The following PRKD1 variants were observed in gnomAD, a reference collection of about 807,000 sequenced individuals.
PRKD1 encodes the protein protein kinase D1.
In PRKD1, 63 loss-of-function variants were observed where a neutral mutation model predicts 95.9. The ratio of observed to expected loss-of-function variants is 0.66; its 90% CI spans 0.54 to 0.81. PRKD1 has a LOEUF of 0.81. Among genes scored for constraint, PRKD1 ranks in the 30% least tolerant of loss-of-function variants. The probability of loss-of-function intolerance (pLI) is 0.00; values close to 1 mark genes in which losing one functional copy is unlikely to be tolerated. For missense variants in PRKD1, 1,048 were observed against 1,165.3 expected (o/e 0.90, Z 1.47); for synonymous variants, 425 against 423.1 (o/e 1.00, Z -0.05).
At chr14:29,871,930 G>C (rs1014642954) in intron 1 of PRKD1, among the ~76,000 whole-genome samples, 1 of 152,196 alleles carries the variant, frequency 6.6e-6, no homozygotes, top group Non-Finnish European at 1.5e-5. Context: ...GTGATGAAAG[G>C]GGTGTGTGAA....
chr14:29,639,538 G>C (rs1880618689), intron 4 of PRKD1, among the ~76,000 whole-genome samples: 1 of 152,042 alleles, frequency 6.6e-6, no homozygotes, highest in Non-Finnish European at 1.5e-5. Context: ...AGAATTGCTT[G>C]AACCTGGGAG....
At chr14:29,854,764 G>A (rs1488900483) in intron 1 of PRKD1, among the ~76,000 whole-genome samples, 2 of 152,190 alleles carry the variant, frequency 1.3e-5, no homozygotes, top group Non-Finnish European at 2.9e-5. Flanking sequence ...GAAAAAAAGT[G>A]GTTTCGTGGG....
Position 29,577,231 on chromosome 14 carries a change from A to T in PRKD1, c.*7T>A, listed in dbSNP as rs1892584639. 6.2e-7 allele frequency: 1 copy of T among 1,606,174 alleles called. No homozygotes were observed. Among genetic ancestry groups the T allele is most frequent in the Non-Finnish European group, 8.5e-7 (1 of 1,173,600 alleles). On this transcript the variant is annotated 3_prime_UTR_variant, in exon 18 of 18. Coordinates refer to ENST00000331968, the MANE Select transcript of PRKD1 (RefSeq NM_002742.3). ...ACAGTGTTTTGACAGATTATAGGAGATGGAACTCAGAGGATGCTGACACGC... is the reference window on the plus strand; with the variant it reads ...ACAGTGTTTTGACAGATTATAGGAGTTGGAACTCAGAGGATGCTGACACGC...
At chr14:29,869,341 G>A (rs866636677) in intron 1 of PRKD1, among the ~76,000 whole-genome samples, 1 of 151,844 alleles carries the variant, frequency 6.6e-6, no homozygotes, top group Non-Finnish European at 1.5e-5. Context: ...TACTCAAGAG[G>A]AGGCAGGAGA....
intron 1 of PRKD1, among the ~76,000 whole-genome samples, chr14:29,822,080 C>T (rs1291918193): frequency 1.3e-5 from 2 of 152,066 alleles, no homozygotes; most frequent in African/African-American, 4.8e-5. Context: ...TTTATTTTTT[C>T]TTTTTAAATT....
chr14:29,693,922 G>A (rs536270071), intron 2 of PRKD1, among the ~76,000 whole-genome samples: 5 of 152,086 alleles, frequency 3.3e-5, no homozygotes, highest in East Asian at 3.8e-4. Context: ...GCCAAAATCC[G>A]CCTCCTACTG....
intron 1 of PRKD1, among the ~76,000 whole-genome samples, chr14:29,781,733 T>A (rs1889054533): frequency 1.3e-5 from 2 of 152,234 alleles, no homozygotes; most frequent in South Asian, 4.1e-4. Context: ...TCATTTTGTA[T>A]ATTCAGAGAT....
At chr14:29,616,629 G>A (rs539191811) in intron 13 of PRKD1, among the ~76,000 whole-genome samples, 2 of 152,142 alleles carry the variant, frequency 1.3e-5, no homozygotes, top group African/African-American at 4.8e-5. Flanking sequence ...AAACAATACA[G>A]ATTTATTACC....
chr14:29,835,959 C>A (rs1891595648), intron 1 of PRKD1, among the ~76,000 whole-genome samples: 1 of 152,104 alleles, frequency 6.6e-6, no homozygotes, highest in African/African-American at 2.4e-5. Context: ...CATCATAAAA[C>A]CCAATATAAT....
At position 29,632,936 on chromosome 14, in the gene PRKD1, T is replaced by G; in HGVS notation, c.1325A>C (p.His442Pro). Residue 442 changes from histidine (H) to proline (P), a missense_variant, in exon 9 of 18, where the codon CAC (histidine) becomes CCC (proline). By Grantham distance (77) the His-to-Pro change is moderately conservative. Transcript: ENST00000331968. ...ACATTTGCTATCCAATCTCCAATAG[T>G]GCCGTTTCCGCTGAAACAGAAGTTA... ...YTSKDTLRKR[H>P]YWRLDSKCIT... The G allele has an allele frequency of 6.2e-7, 1 of 1,613,458 alleles. No individual in the cohort carries two copies. The highest frequency in any genetic ancestry group is 8.5e-7 in the Non-Finnish European group (1 of 1,179,416).
chr14:29,800,484 A>G (rs1302769743), intron 1 of PRKD1, among the ~76,000 whole-genome samples: 3 of 152,214 alleles, frequency 2.0e-5, no homozygotes, highest in Admixed American at 6.5e-5. Flanking sequence ...ATTCACCACA[A>G]TAACTTTGGG....
At chr14:29,598,939 A>T in intron 15 of PRKD1, 88 bp downstream of exon 15, 1 of 1,120,992 alleles carries the variant, frequency 8.9e-7, no homozygotes, top group Non-Finnish European at 1.3e-6. Flanking sequence ...TAAAGGTTTT[A>T]AGGGAAAAAT....
At chr14:29,744,671 C>T (rs897093554) in intron 1 of PRKD1, among the ~76,000 whole-genome samples, 1 of 152,098 alleles carries the variant, frequency 6.6e-6, no homozygotes, top group Non-Finnish European at 1.5e-5. Context: ...TTCAGCCTCC[C>T]GAGTAGTTGG....
At chr14:29,841,653 T>C (rs993126364) in intron 1 of PRKD1, among the ~76,000 whole-genome samples, 1 of 152,192 alleles carries the variant, frequency 6.6e-6, no homozygotes. Flanking sequence ...TATAAGTCCA[T>C]TAAACCTCTG....
chr14:29,778,056 A>T (rs1888855593), intron 1 of PRKD1, among the ~76,000 whole-genome samples: 1 of 152,228 alleles, frequency 6.6e-6, no homozygotes, highest in South Asian at 2.1e-4. Flanking sequence ...TGGGTAGATA[A>T]CTAAATGAAA....
At chr14:29,883,917 G>A (rs1172747573) in intron 1 of PRKD1, among the ~76,000 whole-genome samples, 1 of 152,164 alleles carries the variant, frequency 6.6e-6, no homozygotes, top group African/African-American at 2.4e-5. Context: ...AGAGGATTTT[G>A]AAGGCCAGCA....
At chr14:29,753,985 TAATTA>T (rs1887590981) in intron 1 of PRKD1, among the ~76,000 whole-genome samples, 1 of 152,178 alleles carries the variant, frequency 6.6e-6, no homozygotes, top group South Asian at 2.1e-4. Context: ...TCATTTATCT[TAATTA>T]AATAGTGCTA....
rs80319386 is a variant in PRKD1, at chr14:29,615,725, G to A, written c.1905+8427C>T. Among the ~76,000 whole-genome samples the A allele has an allele frequency of 1.0e-3, 152 of 152,214 alleles. 5 individuals are homozygous for A. In the East Asian group the frequency reaches 0.025, roughly 25 times the overall value. ...TAAAGGGTTTTATTCATGTTTATAC[G>A]GCCCAAAGGCTCAGCAAATCACTTT... is the stretch of plus-strand genomic sequence containing the variant. On this transcript the variant is annotated intron_variant, in intron 13 of 17. Transcript: ENST00000331968.
intron 1 of PRKD1, among the ~76,000 whole-genome samples, chr14:29,816,099 T>A (rs1341329540): frequency 6.6e-6 from 1 of 152,072 alleles, no homozygotes; most frequent in Non-Finnish European, 1.5e-5. Context: ...ATGCCTGTAA[T>A]CCCAGCTACT....
Sources: gnomAD v4.1 joint callset for allele counts (sites outside exome capture counted in the v4.1 genomes callset) on GRCh38, gnomAD v4.1.1 for gene constraint, MANE v1.5 for transcripts, NCBI Gene and HGNC (gene_info 2026-07-23, HGNC 2026-07-21) for gene names.